BANK1: variants seen among roughly 807,000 people sequenced by gnomAD.
BANK1 encodes the protein B cell scaffold protein with ankyrin repeats 1.
Under a neutral mutation model 94.5 loss-of-function variants are expected in BANK1, and 95 were observed. The observed-to-expected ratio is 1.00, with a 90% CI of 0.85 to 1.19. The LOEUF is 1.19. Ranked by LOEUF, BANK1 falls within the 50% of genes most tolerant of loss-of-function variation. BANK1 has a pLI of 0.00. For missense variants in BANK1, 987 were observed against 932.2 expected, an observed-to-expected ratio of 1.06 and a Z score of -0.77; for synonymous variants, 334 against 308.4, an observed-to-expected ratio of 1.08 and a Z score of -0.87.
chr4:101,979,513 GT>G (rs1172645121), intron 7 of BANK1, among the ~76,000 whole-genome samples: 1 of 151,664 alleles, frequency 6.6e-6, no homozygotes, highest in East Asian at 1.9e-4. Flanking sequence ...AGAATAAGTT[GT>G]TTTCAGAAAG....
chr4:101,919,199 A>G (rs1034755191), intron 7 of BANK1, among the ~76,000 whole-genome samples: 2 of 151,886 alleles, frequency 1.3e-5, no homozygotes, highest in Non-Finnish European at 2.9e-5. Flanking sequence ...TAATACTGTT[A>G]TTTAATACAT....
intron 6 of BANK1, among the ~76,000 whole-genome samples, chr4:101,916,031 T>C (rs1374803840): frequency 6.6e-6 from 1 of 152,080 alleles, no homozygotes; most frequent in African/African-American, 2.4e-5. Context: ...TGTTGTTTCT[T>C]CAACTTTTCA....
At chr4:101,837,951 C>T (rs373388794) in intron 2 of BANK1, among the ~76,000 whole-genome samples, 2 of 146,704 alleles carry the variant, frequency 1.4e-5, no homozygotes, top group South Asian at 2.2e-4. Flanking sequence ...TCTCCCTCCC[C>T]TCTCTCTTCT....
intron 7 of BANK1, among the ~76,000 whole-genome samples, chr4:101,963,383 T>C (rs1316292692): frequency 6.6e-6 from 1 of 152,190 alleles, no homozygotes; most frequent in Non-Finnish European, 1.5e-5. Flanking sequence ...GGAAACAAGA[T>C]ATTTATCTCT....
intron 2 of BANK1, among the ~76,000 whole-genome samples, chr4:101,847,929 T>A (rs138536283): frequency 1.3e-5 from 2 of 152,268 alleles, no homozygotes; most frequent in Admixed American, 6.5e-5. Context: ...GAATTCCTTC[T>A]CCCTGTGGAG....
chr4:101,814,737 A>G (rs1277377880), intron 1 of BANK1, among the ~76,000 whole-genome samples: 1 of 152,160 alleles, frequency 6.6e-6, no homozygotes, highest in Non-Finnish European at 1.5e-5. Flanking sequence ...TGTGGCTTTA[A>G]CGTTTTTGTT....
chr4:101,835,633 C>T (rs1726795929), intron 2 of BANK1, among the ~76,000 whole-genome samples: 1 of 152,112 alleles, frequency 6.6e-6, no homozygotes, highest in Non-Finnish European at 1.5e-5. Flanking sequence ...AGAACAGAAA[C>T]AAACTATGCA....
intron 7 of BANK1, among the ~76,000 whole-genome samples, chr4:101,991,771 C>T (rs893322138): frequency 2.0e-5 from 3 of 152,150 alleles, no homozygotes; most frequent in African/African-American, 7.2e-5. Flanking sequence ...CAAAGATGAA[C>T]AGAAACTATG....
At chr4:101,942,655 A>G (rs1348181831) in intron 7 of BANK1, among the ~76,000 whole-genome samples, 1 of 151,898 alleles carries the variant, frequency 6.6e-6, no homozygotes, top group Non-Finnish European at 1.5e-5. Flanking sequence ...ACATAAAATT[A>G]TATAATTTAG....
Position 102,072,377 on chromosome 4 carries a change from T to C in BANK1, c.2275T>C (p.Tyr759His), listed in dbSNP as rs144123297. ...AACTGCCCACAATGAAAATAAGTTTTATAATGTACACTTCAGCAATAAGGT... is the reference window on the plus strand; with the variant it reads ...AACTGCCCACAATGAAAATAAGTTTCATAATGTACACTTCAGCAATAAGGT... ...KETAHNENKF[Y>H]NVHFSNKLPA... Residue 759 changes from tyrosine to histidine, a missense_variant, in exon 15 of 17, where the codon TAT becomes CAT. Tyr to His is a moderately conservative substitution (Grantham distance 83). Coordinates refer to ENST00000322953, the MANE Select transcript of BANK1 (RefSeq NM_017935.5). 157 of 1,597,170 alleles carry C rather than the reference T, an allele frequency of 9.8e-5. No homozygotes were observed. The highest frequency in any genetic ancestry group is 1.3e-4 in the Non-Finnish European group (146 of 1,165,454).
intron 5 of BANK1, among the ~76,000 whole-genome samples, chr4:101,886,586 G>T (rs754985057): frequency 1.3e-4 from 20 of 152,116 alleles, no homozygotes; most frequent in Non-Finnish European, 2.5e-4. Context: ...TTACTAAAAA[G>T]AGGCAAAGGT....
At chr4:101,979,926 G>A (rs943645461) in intron 7 of BANK1, among the ~76,000 whole-genome samples, 3 of 151,510 alleles carry the variant, frequency 2.0e-5, no homozygotes, top group Non-Finnish European at 4.4e-5. Context: ...TTTTCCTATT[G>A]TTTCAAACTA....
chr4:102,016,997 G>A (rs373001096), intron 7 of BANK1, among the ~76,000 whole-genome samples: 28 of 152,070 alleles, frequency 1.8e-4, no homozygotes, highest in Admixed American at 9.2e-4. Flanking sequence ...TATAAAGATA[G>A]TTGGCCAGTG....
At chr4:101,969,975 T>C (rs1724898691) in intron 7 of BANK1, among the ~76,000 whole-genome samples, 1 of 152,176 alleles carries the variant, frequency 6.6e-6, no homozygotes, top group African/African-American at 2.4e-5. Context: ...TGGTTTTCAA[T>C]GCCACAATAG....
intron 7 of BANK1, among the ~76,000 whole-genome samples, chr4:101,994,527 T>A (rs1273864144): frequency 2.0e-5 from 3 of 152,144 alleles, no homozygotes; most frequent in Admixed American, 6.6e-5. Context: ...TATAATTGCA[T>A]CATGTCAATT....
intron 1 of BANK1, among the ~76,000 whole-genome samples, chr4:101,814,741 TTTTG>T (rs1725844012): frequency 6.6e-6 from 1 of 152,206 alleles, no homozygotes; most frequent in Admixed American, 6.6e-5. Context: ...GCTTTAACGT[TTTTG>T]TTTAACATTT....
chr4:101,845,946 T>C (rs1484725288), intron 2 of BANK1, among the ~76,000 whole-genome samples: 1 of 152,202 alleles, frequency 6.6e-6, no homozygotes, highest in Non-Finnish European at 1.5e-5. Flanking sequence ...ACATGTGCCA[T>C]GTTGGTGTGC....
chr4:101,880,335 C>G (rs1183811876), intron 5 of BANK1, among the ~76,000 whole-genome samples: 3 of 151,910 alleles, frequency 2.0e-5, no homozygotes, highest in Non-Finnish European at 4.4e-5. Flanking sequence ...GTCCCATTTA[C>G]TGTAGCCACA....
intron 10 of BANK1, 112 bp downstream of exon 10, chr4:102,030,377 CA>C: frequency 9.1e-7 from 1 of 1,093,262 alleles, no homozygotes; most frequent in East Asian, 2.6e-5. Context: ...AAAGAGTAAA[CA>C]TTTTTTTTCA....
Sources: allele counts gnomAD v4.1 joint callset (sites outside exome capture counted in the v4.1 genomes callset), GRCh38; gene constraint gnomAD v4.1.1; transcripts MANE v1.5; gene names NCBI Gene and HGNC (gene_info 2026-07-23, HGNC 2026-07-21).